Variants in RNF24 observed in about 807,000 individuals in gnomAD.
The protein encoded by RNF24 is ring finger protein 24.
Under a neutral mutation model 20.0 loss-of-function variants are expected in RNF24, and 14 were observed. The ratio of observed to expected loss-of-function variants is 0.70; its 90% CI spans 0.46 to 1.10. RNF24 has a LOEUF of 1.10. Ranked by LOEUF, RNF24 falls within the 50% of genes least tolerant of loss-of-function variation. The pLI is 0.00. For missense variants in RNF24, 124 were observed against 177.6 expected (o/e 0.70, Z 1.71); for synonymous variants, 45 against 61.1 (o/e 0.74, Z 1.23).
At chr20:3,948,153 G>C (rs970928796) in intron 3 of RNF24, 84 bp downstream of exon 3, 11 of 975,104 alleles carry the variant, frequency 1.1e-5, no homozygotes. Context: ...TTCAGTCCCA[G>C]TTTAACGTAT....
At chr20:3,966,283 G>A (rs2091257132) in intron 1 of RNF24, among the ~76,000 whole-genome samples, 1 of 152,126 alleles carries the variant, frequency 6.6e-6, no homozygotes. Context: ...CTTGCTCCCA[G>A]GATGTCACTA....
intron 2 of RNF24, among the ~76,000 whole-genome samples, chr20:3,951,157 C>T (rs141327846): frequency 0.012 from 1,874 of 152,280 alleles, 43 homozygotes; most frequent in African/African-American, 0.043. Flanking sequence ...TAGGATTTCA[C>T]CGTGTTAGCC....
chr20:3,996,270 C>A (rs1021140714), intron 1 of RNF24, among the ~76,000 whole-genome samples: 4 of 152,186 alleles, frequency 2.6e-5, no homozygotes, highest in Admixed American at 6.5e-5. Flanking sequence ...AAAATTCAAA[C>A]CAGAAAATAT....
chr20:4,012,284 G>T (rs1982519753), intron 1 of RNF24, among the ~76,000 whole-genome samples: 1 of 152,144 alleles, frequency 6.6e-6, no homozygotes, highest in Admixed American at 6.5e-5. Flanking sequence ...AGGCGTGGTG[G>T]CCAGTGCCTG....
intron 1 of RNF24, among the ~76,000 whole-genome samples, chr20:4,006,421 G>A (rs570850371): frequency 1.9e-4 from 29 of 151,332 alleles, no homozygotes; most frequent in Admixed American, 3.3e-4. Context: ...ACAACAAGAT[G>A]GAAAAATTTT....
chr20:3,994,155 G>C (rs553112231), intron 1 of RNF24, among the ~76,000 whole-genome samples: 4 of 152,234 alleles, frequency 2.6e-5, no homozygotes, highest in African/African-American at 4.8e-5. Context: ...GGCACTTCTC[G>C]AAACAGTATT....
chr20:3,983,833 TG>T (rs1979637687), intron 1 of RNF24, among the ~76,000 whole-genome samples: 1 of 147,700 alleles, frequency 6.8e-6, no homozygotes, highest in Non-Finnish European at 1.5e-5. Flanking sequence ...CCCAACTACT[TG>T]GGAGGCTGAG....
intron 1 of RNF24, among the ~76,000 whole-genome samples, chr20:3,976,064 T>C (rs1479715217): frequency 6.6e-6 from 1 of 152,162 alleles, no homozygotes; most frequent in African/African-American, 2.4e-5. Flanking sequence ...TGGGATTACA[T>C]GTGTGAGCCA....
chr20:3,986,672 G>C (rs1440452973), intron 1 of RNF24, among the ~76,000 whole-genome samples: 2 of 148,300 alleles, frequency 1.3e-5, no homozygotes, highest in Non-Finnish European at 1.5e-5. Context: ...TTTTGAGACA[G>C]AGTCTCACTT....
chr20:3,948,568 TTAAG>T (rs2091047003), intron 2 of RNF24, among the ~76,000 whole-genome samples: 1 of 152,138 alleles, frequency 6.6e-6, no homozygotes, highest in African/African-American at 2.4e-5. Flanking sequence ...TAGAAAAAAT[TTAAG>T]TATAACATAC....
chr20:3,988,838 G>C (rs1980158619), intron 1 of RNF24, among the ~76,000 whole-genome samples: 1 of 152,028 alleles, frequency 6.6e-6, no homozygotes. Context: ...AATCCTTCAA[G>C]AAAACCAACC....
At chr20:3,955,373 T>C (rs111332707) in intron 2 of RNF24, among the ~76,000 whole-genome samples, 411 of 152,318 alleles carry the variant, frequency 2.7e-3, no homozygotes, top group Admixed American at 5.4e-3. Context: ...CCCAGTACCA[T>C]TGGTTGAAGA....
chr20:3,928,002 T>C lies in RNF24; in HGVS notation c.*6061A>G, dbSNP rs1407416049. 2 of 152,180 alleles carry C rather than the reference T, an allele frequency of 1.3e-5. No individual in the cohort carries two copies. Among genetic ancestry groups the C allele is most frequent in the African/African-American group, 4.8e-5 (2 of 41,424 alleles). The allele number at this position is 152,180 out of a possible 1,614,324, so 9.4% of individuals were successfully genotyped here. A position where few individuals can be genotyped will look rare whatever the true frequency, so the allele number is the denominator to read the frequency against. On this transcript the variant is annotated 3_prime_UTR_variant, in exon 6 of 6. Transcript: ENST00000358395. ...TAAGGTTTACTACACAAGCCCCTCT[T>C]TTTCTTCTGATATCCCCACTCAAAT...
intron 1 of RNF24, among the ~76,000 whole-genome samples, chr20:4,008,396 ATG>A (rs373157699): frequency 1.9e-3 from 10 of 5,354 alleles, no homozygotes; most frequent in Non-Finnish European, 4.0e-3. Context: ...TATATTATAT[ATG>A]TAATATGTAT....
At chr20:3,969,664 A>C (rs990231529) in intron 1 of RNF24, among the ~76,000 whole-genome samples, 1 of 152,144 alleles carries the variant, frequency 6.6e-6, no homozygotes, top group Non-Finnish European at 1.5e-5. Context: ...ATGCCAGCAA[A>C]GGCTGAAGGC....
intron 1 of RNF24, among the ~76,000 whole-genome samples, chr20:3,969,874 G>A (rs773912087): frequency 3.3e-5 from 5 of 151,314 alleles, no homozygotes; most frequent in Admixed American, 2.0e-4. Flanking sequence ...AGGTTCAAGC[G>A]ATTGTCCTGC....
At chr20:3,949,607 C>T (rs1246218317) in intron 2 of RNF24, among the ~76,000 whole-genome samples, 1 of 151,946 alleles carries the variant, frequency 6.6e-6, no homozygotes, top group Non-Finnish European at 1.5e-5. Flanking sequence ...CTGCTTGAGC[C>T]TGGGAGGTGA....
At chr20:4,008,502 T>A (rs1490500408) in intron 1 of RNF24, among the ~76,000 whole-genome samples, 1 of 114,218 alleles carries the variant, frequency 8.8e-6, no homozygotes, top group African/African-American at 3.6e-5. Context: ...AATATATATA[T>A]TATACATATT....
intron 1 of RNF24, among the ~76,000 whole-genome samples, chr20:3,976,244 T>C (rs1978856605): frequency 6.6e-6 from 1 of 152,192 alleles, no homozygotes; most frequent in African/African-American, 2.4e-5. Flanking sequence ...AAAGGGAATA[T>C]ACAGATGGTA....
Sources: allele counts gnomAD v4.1 joint callset (sites outside exome capture counted in the v4.1 genomes callset), GRCh38; gene constraint gnomAD v4.1.1; transcripts MANE v1.5; gene names NCBI Gene and HGNC (gene_info 2026-07-23, HGNC 2026-07-21).